The following SERF2 variants were observed in gnomAD, a reference collection of about 807,000 sequenced individuals.
SERF2 encodes the protein small EDRK-rich factor 2, also known as gastric cancer-related protein VRG107.
Under a neutral mutation model 10.7 loss-of-function variants are expected in SERF2, and 4 were observed. The ratio of observed to expected loss-of-function variants is 0.37; its 90% confidence interval spans 0.18 to 0.86. The LOEUF is 0.86. SERF2 is among the 40% of genes least tolerant of loss of function. The pLI is 0.43. For missense variants in SERF2, 47 were observed against 79.1 expected, an observed-to-expected ratio of 0.59 and a Z score of 1.54; for synonymous variants, 26 against 26.0, an observed-to-expected ratio of 1.00 and a Z score of 0.01.
At chr15:43,784,422 C>T (rs2141670036) in intron 1 of SERF2, among the ~76,000 whole-genome samples, 1 of 152,194 alleles carries the variant, frequency 6.6e-6, no homozygotes, top group East Asian at 1.9e-4. Context: ...GTTGGGCACT[C>T]TGTGACCTCC....
At position 43,794,013 on chromosome 15, in the gene SERF2, T is replaced by C; in HGVS notation, c.*240T>C. On this transcript the variant is annotated 3_prime_UTR_variant, in exon 3 of 3. Transcript: ENST00000249786. ...CCAGTGTTTTTTATTCCTGTGGGGC[T>C]CACCCCAAAGTATTAAAAGTAGCTT... is the stretch of plus-strand genomic sequence containing the variant. The C allele has an allele frequency of 2.7e-6, 4 of 1,464,150 alleles. No individual in the cohort carries two copies. The highest frequency in any genetic ancestry group is 3.6e-6 in the Non-Finnish European group (4 of 1,106,768). The allele number at this position is 1,464,150 out of a possible 1,614,324, so 90.7% of individuals were successfully genotyped here.
At chr15:43,792,252 TC>T (rs2087075177), upstream of SERF2, 1 of 842,772 alleles carries the variant, frequency 1.2e-6, no homozygotes, top group South Asian at 1.4e-5. Flanking sequence ...GGGAGCCGGC[TC>T]CCGGGCGCGA....
rs2087159882 is a variant in SERF2 at position 43,794,670 on chromosome 15, G to T, written c.*897G>T. The T allele has an allele frequency of 7.5e-6, 2 of 266,376 alleles. No individual in the cohort carries two copies. Among genetic ancestry groups the T allele is most frequent in the Non-Finnish European group, 1.4e-5 (2 of 138,628 alleles). The allele number at this position is 266,376 out of a possible 1,614,324, so 16.5% of individuals were successfully genotyped here. On this transcript the variant is annotated 3_prime_UTR_variant, in exon 3 of 3. Coordinates refer to ENST00000249786, the MANE Select transcript of SERF2 (RefSeq NM_001018108.4). ...AGAGCCGAGTCTTCAGTCCCTGTTGGTCTTTCCCCACCCCCACTTCCAGCC... is the reference window on the plus strand; with the variant it reads ...AGAGCCGAGTCTTCAGTCCCTGTTGTTCTTTCCCCACCCCCACTTCCAGCC...
At chr15:43,793,539 C>G (rs766836436) in intron 2 of SERF2, 171 bp from the exon 3 acceptor site, 3 of 1,483,302 alleles carry the variant, frequency 2.0e-6, no homozygotes, top group South Asian at 2.8e-5. Context: ...GACTGGTCGC[C>G]TTTTGAGCCT....
At chr15:43,783,554 G>A (rs1171532864) in intron 1 of SERF2, among the ~76,000 whole-genome samples, 2 of 151,068 alleles carry the variant, frequency 1.3e-5, no homozygotes, top group South Asian at 2.1e-4. Context: ...CACTGGCCTC[G>A]GCCTCCCAAA....
At chr15:43,793,621 C>T (rs918571408) in intron 2 of SERF2, 89 bp from the exon 3 acceptor site, 2 of 1,610,418 alleles carry the variant, frequency 1.2e-6, no homozygotes, top group South Asian at 2.2e-5. Context: ...CCATCCACTT[C>T]CATCTTATCC....
upstream of SERF2, chr15:43,792,058 T>C (rs1158784515): frequency 4.0e-6 from 2 of 499,778 alleles, no homozygotes; most frequent in Non-Finnish European, 3.7e-6. Flanking sequence ...GAGCGCCACA[T>C]CGCCAGCCGC....
Position 43,795,366 on chromosome 15 carries a change from T to A in SERF2, c.*1593T>A. On this transcript the variant is annotated 3_prime_UTR_variant, in exon 3 of 3. Coordinates refer to ENST00000249786, the MANE Select transcript of SERF2 (RefSeq NM_001018108.4). Reference sequence around the variant, plus strand: ...AAATAGCTAGCTCTTCAGGAGAGTATCTAAGGCCCACTCCATCTTACCTGA... The same window carrying A: ...AAATAGCTAGCTCTTCAGGAGAGTAACTAAGGCCCACTCCATCTTACCTGA... 1 of 1,613,582 alleles carries A rather than the reference T, an allele frequency of 6.2e-7. No homozygotes were observed. Among genetic ancestry groups the A allele is most frequent in the Non-Finnish European group, 8.5e-7 (1 of 1,179,534 alleles).
intron 2 of SERF2, among the ~76,000 whole-genome samples, chr15:43,787,123 C>CTGA (rs2087014272): frequency 3.9e-5 from 6 of 151,996 alleles, no homozygotes; most frequent in African/African-American, 1.5e-4. Flanking sequence ...CCTCAGCCTC[C>CTGA]CAGGTAGCTG....
At chr15:43,779,445 C>T (rs1276065754) in intron 1 of SERF2, among the ~76,000 whole-genome samples, 1 of 152,058 alleles carries the variant, frequency 6.6e-6, no homozygotes, top group Non-Finnish European at 1.5e-5. Flanking sequence ...ACAGATCATA[C>T]AATTCAGGGA....
Position 43,777,721 on chromosome 15 carries a change from C to G in SERF2, c.-527+219C>G, listed in dbSNP as rs890224013. On this transcript the variant is annotated intron_variant, in intron 1 of 4. Coordinates refer to the SERF2 transcript ENST00000381359. ...AGGGCCAGGAGCTGCCATGAAGTCG[C>G]CAGGCATTCCAGAGGGCCAGATCCT... Among the ~76,000 whole-genome samples the G allele has an allele frequency of 9.9e-5, 15 of 152,228 alleles. No homozygotes were observed. The South Asian group carries it at 2.1e-3, about 21-fold the overall frequency.
At chr15:43,788,553 C>CT (rs1262073496), upstream of SERF2, among the ~76,000 whole-genome samples, 1 of 152,210 alleles carries the variant, frequency 6.6e-6, no homozygotes, top group Non-Finnish European at 1.5e-5. Flanking sequence ...GTGATCATAG[C>CT]TCACTGCACC....
At chr15:43,792,904 C>A in intron 1 of SERF2, 71 bp from the exon 2 acceptor site, 1 of 1,131,902 alleles carries the variant, frequency 8.8e-7, no homozygotes, top group Non-Finnish European at 1.3e-6. Context: ...GCTGGCCGCG[C>A]TGGGGTAGAA....
chr15:43,792,896 T>A, intron 1 of SERF2, 79 bp from the exon 2 acceptor site: 1 of 1,041,976 alleles, frequency 9.6e-7, no homozygotes, highest in Non-Finnish European at 1.4e-6. Flanking sequence ...ATCCTGCTGC[T>A]GGCCGCGCTG....
chr15:43,792,098 C>A, upstream of SERF2: 6 of 521,288 alleles, frequency 1.2e-5, no homozygotes, highest in East Asian at 3.4e-5. Flanking sequence ...GCCCACGTGA[C>A]CCGGCCTAGT....
At chr15:43,792,274 A>C, upstream of SERF2, 1 of 1,020,412 alleles carries the variant, frequency 9.8e-7, no homozygotes, top group South Asian at 1.3e-5. Context: ...AGGGGCGGGG[A>C]GGAAAGGAAC....
rs1140049 is a variant in SERF2 at position 43,792,992 on chromosome 15, C to G, written c.25C>G (p.Leu9Val). MTRGNQRE[L>V]ARQKNMKKQS... ...TTCCTTAGGCGGTAACCAGCGTGAG[C>G]TCGCCCGCCAGAAGAATATGAAAAA... is the stretch of plus-strand genomic sequence containing the variant. Residue 9 changes from leucine to valine, a missense_variant, in exon 2 of 3, where the codon CTC becomes GTC. Transcript: ENST00000249786. 15 of 1,610,306 alleles carry G rather than the reference C, an allele frequency of 9.3e-6. No individual in the cohort carries two copies. The highest frequency in any genetic ancestry group is 1.2e-5 in the Non-Finnish European group (14 of 1,177,414).
At position 43,795,378 on chromosome 15, in the gene SERF2, T is replaced by TC. The variant is rs769182206; in HGVS notation, c.*1607dup. 3.1e-6 allele frequency: 5 copies of TC among 1,614,122 alleles called. No homozygotes were observed. The highest frequency in any genetic ancestry group is 4.2e-6 in the Non-Finnish European group (5 of 1,179,982). ...CTTCAGGAGAGTATCTAAGGCCCAC[T>TC]CCATCTTACCTGAACCAGTTGGTAA... On this transcript the variant is annotated 3_prime_UTR_variant, in exon 3 of 3. Transcript: ENST00000249786.
chr15:43,790,206 G>C (rs549276789), upstream of SERF2, among the ~76,000 whole-genome samples: 89 of 151,600 alleles, frequency 5.9e-4, no homozygotes, highest in Non-Finnish European at 1.2e-3. Flanking sequence ...CTACTCGGGA[G>C]GCTGAGAAAG....
Sources: gnomAD v4.1 joint callset for allele counts (sites outside exome capture counted in the v4.1 genomes callset) on GRCh38, gnomAD v4.1.1 for gene constraint, MANE v1.5 for transcripts, NCBI Gene and HGNC (gene_info 2026-07-23, HGNC 2026-07-21) for gene names.